Variants in NIPBL observed in about 807,000 individuals in gnomAD.
The protein encoded by NIPBL is NIPBL cohesin loading factor.
A neutral mutation model predicts 321.8 loss-of-function variants in NIPBL; 19 were observed. That is an observed-to-expected ratio of 0.06 (90% CI 0.04 to 0.09). The LOEUF is 0.09. NIPBL is among the 10% of genes least tolerant of loss of function. The pLI, the probability that NIPBL is intolerant of heterozygous loss-of-function variation, is 1.00. For synonymous variants in NIPBL, 1,106 were observed against 1,114.1 expected (o/e 0.99, Z 0.14); for missense variants, 2,210 against 3,327.0 (o/e 0.66, Z 8.26).
intron 20 of NIPBL, among the ~76,000 whole-genome samples, chr5:37,009,309 C>A (rs1435316392): frequency 1.3e-5 from 2 of 152,024 alleles, no homozygotes; most frequent in Non-Finnish European, 2.9e-5. Context: ...GCTCTTTAAT[C>A]ACTAAGCACA....
At chr5:37,058,845 A>G (rs746085845) in intron 43 of NIPBL, 46 bp from the exon 44 acceptor site, 20 of 1,555,872 alleles carry the variant, frequency 1.3e-5, no homozygotes, top group Middle Eastern at 1.7e-4. Context: ...TATATTTACT[A>G]GTGGCATTTT....
intron 42 of NIPBL, among the ~76,000 whole-genome samples, chr5:37,054,541 A>G (rs1270410470): frequency 1.3e-5 from 2 of 152,208 alleles, no homozygotes; most frequent in African/African-American, 4.8e-5. Flanking sequence ...ATATTGTTCC[A>G]GTCCTTGTTT....
intron 44 of NIPBL, among the ~76,000 whole-genome samples, chr5:37,059,638 T>C (rs1000471339): frequency 6.6e-6 from 1 of 152,356 alleles, no homozygotes; most frequent in South Asian, 2.1e-4. Flanking sequence ...TATGCCATAA[T>C]TTATTTTTAT....
chr5:36,977,465 GA>G (rs557896447), intron 9 of NIPBL, among the ~76,000 whole-genome samples: 2 of 150,848 alleles, frequency 1.3e-5, no homozygotes, highest in South Asian at 2.1e-4. Flanking sequence ...TAATGTTATT[GA>G]AAAAAAATGG....
At chr5:37,027,080 G>C (rs1750366276) in intron 31 of NIPBL, among the ~76,000 whole-genome samples, 1 of 152,142 alleles carries the variant, frequency 6.6e-6, no homozygotes. Flanking sequence ...TGTAGTTCAA[G>C]TTATTGTGCC....
intron 1 of NIPBL, among the ~76,000 whole-genome samples, chr5:36,930,580 T>C (rs886331600): frequency 2.6e-5 from 4 of 152,134 alleles, no homozygotes; most frequent in African/African-American, 7.2e-5. Context: ...TTTTGGTGTT[T>C]TGCTGTACTA....
intron 34 of NIPBL, among the ~76,000 whole-genome samples, chr5:37,040,703 G>A (rs1025468980): frequency 9.9e-5 from 15 of 152,082 alleles, no homozygotes; most frequent in African/African-American, 3.6e-4. Context: ...TTATTTTGTT[G>A]GAACAGTTTC....
At chr5:36,977,600 G>A (rs1237234605) in intron 9 of NIPBL, among the ~76,000 whole-genome samples, 3 of 146,812 alleles carry the variant, frequency 2.0e-5, no homozygotes, top group African/African-American at 7.5e-5. Context: ...TTTTTTCTTT[G>A]TCTTTTTTTT....
At position 37,046,098 on chromosome 5, in the gene NIPBL, C is replaced by T. The variant is rs761223723; in HGVS notation, c.6499-11C>T. On this transcript the variant is annotated splice_polypyrimidine_tract_variant and intron_variant, in intron 37 of 46. Transcript: ENST00000282516. The stretch of plus-strand genomic sequence containing the variant: ...GTTCATGAACACTTTAATGTGTTTT[C>T]CTCCCCTTAGGTTAACATAAAAGAT... 1.5e-6 allele frequency: 2 copies of T among 1,368,828 alleles called. No homozygotes were observed. The highest frequency in any genetic ancestry group is 1.8e-4 in the Middle Eastern group (1 of 5,568). The allele number at this position is 1,368,828 out of a possible 1,614,324, so 84.8% of individuals were successfully genotyped here. A position where few individuals can be genotyped will look rare whatever the true frequency, so the allele number is the denominator to read the frequency against.
intron 1 of NIPBL, among the ~76,000 whole-genome samples, chr5:36,932,071 C>T (rs980714659): frequency 2.0e-5 from 3 of 152,050 alleles, no homozygotes; most frequent in Non-Finnish European, 2.9e-5. Flanking sequence ...AGATTTCTTT[C>T]GGTTATGGGT....
chr5:36,950,490 C>A (rs1349728885), intron 1 of NIPBL, among the ~76,000 whole-genome samples: 1 of 151,988 alleles, frequency 6.6e-6, no homozygotes, highest in Non-Finnish European at 1.5e-5. Flanking sequence ...AAAATTTACC[C>A]ACAATTTTAA....
At chr5:37,049,330 AC>A (rs1753283508) in intron 40 of NIPBL, 29 bp downstream of exon 40, 2 of 1,605,476 alleles carry the variant, frequency 1.2e-6, no homozygotes, top group East Asian at 4.5e-5. Context: ...AGCAGCACTT[AC>A]TAAAAGAGCA....
rs530238141 is a variant in NIPBL at position 37,000,908 on chromosome 5, A to C, written c.3574+20A>C. 334 of 1,600,742 alleles carry C rather than the reference A, an allele frequency of 2.1e-4. 7 individuals are homozygous for C. The South Asian group carries it at 2.7e-3, about 13-fold the overall frequency. On this transcript the variant is annotated intron_variant, in intron 13 of 46. Coordinates refer to ENST00000282516, the MANE Select transcript of NIPBL (RefSeq NM_133433.4). ...CTGAAGGTAACACGTTAGTTTATTT[A>C]ATTTGTCTTTATTCATATTCTTCAG...
At chr5:36,886,300 A>G in intron 1 of NIPBL, 2 of 679,390 alleles carry the variant, frequency 2.9e-6, no homozygotes, top group African/African-American at 1.7e-5. Flanking sequence ...GTACGAGACC[A>G]TGCTGAACAT....
At chr5:36,932,874 C>CT (rs1358364551) in intron 1 of NIPBL, among the ~76,000 whole-genome samples, 1 of 141,728 alleles carries the variant, frequency 7.1e-6, no homozygotes, top group Non-Finnish European at 1.5e-5. Flanking sequence ...TCATAGCATA[C>CT]TACAGACTCA....
At chr5:36,936,414 C>CA (rs1329447039) in intron 1 of NIPBL, among the ~76,000 whole-genome samples, 7 of 152,052 alleles carry the variant, frequency 4.6e-5, no homozygotes, top group Non-Finnish European at 7.4e-5. Flanking sequence ...GTATACAGTA[C>CA]AATAACATGC....
At chr5:36,950,682 C>T (rs1291090612) in intron 1 of NIPBL, among the ~76,000 whole-genome samples, 2 of 152,098 alleles carry the variant, frequency 1.3e-5, no homozygotes, top group Non-Finnish European at 2.9e-5. Flanking sequence ...ATCTTCTTTA[C>T]AGTTTGGTTG....
intron 40 of NIPBL, among the ~76,000 whole-genome samples, chr5:37,050,173 C>T (rs979922881): frequency 1.3e-5 from 2 of 150,828 alleles, no homozygotes; most frequent in Non-Finnish European, 1.5e-5. Flanking sequence ...TTTTTAATTT[C>T]ACACAAAGGA....
chr5:36,992,582 A>G (rs1745652155), intron 10 of NIPBL, among the ~76,000 whole-genome samples: 1 of 152,060 alleles, frequency 6.6e-6, no homozygotes, highest in Non-Finnish European at 1.5e-5. Flanking sequence ...TGGTGCTAAT[A>G]TAGCTCACTG....
Sources: gnomAD v4.1 joint callset for allele counts (sites outside exome capture counted in the v4.1 genomes callset) on GRCh38, gnomAD v4.1.1 for gene constraint, MANE v1.5 for transcripts, NCBI Gene and HGNC (gene_info 2026-07-23, HGNC 2026-07-21) for gene names.